Variants in AGBL1 observed in about 807,000 individuals in gnomAD.
AGBL1 encodes the protein cytosolic carboxypeptidase 4.
AGBL1 carries 130 observed loss-of-function variants against 118.9 expected under a neutral mutation model. That is an observed-to-expected ratio of 1.09 (90% CI 0.95 to 1.26). AGBL1 has a LOEUF of 1.26. AGBL1 is among the 50% of genes most tolerant of loss of function. The pLI is 0.00. For missense variants in AGBL1, 1,584 were observed against 1,298.1 expected, an observed-to-expected ratio of 1.22 and a Z score of -3.38; for synonymous variants, 555 against 478.9, an observed-to-expected ratio of 1.16 and a Z score of -2.08.
chr15:86,478,100 T>C (rs931004828), intron 18 of AGBL1, among the ~76,000 whole-genome samples: 4 of 152,162 alleles, frequency 2.6e-5, no homozygotes, highest in East Asian at 1.9e-4. Context: ...TAAGAGCTAT[T>C]TATGACAAAC....
intron 21 of AGBL1, among the ~76,000 whole-genome samples, chr15:86,648,101 G>T (rs1464049611): frequency 6.6e-6 from 1 of 152,162 alleles, no homozygotes; most frequent in Non-Finnish European, 1.5e-5. Flanking sequence ...AAGGGGTTTG[G>T]AATTTTCTCT....
At chr15:86,941,723 A>G (rs549197361) in intron 23 of AGBL1, among the ~76,000 whole-genome samples, 5 of 152,204 alleles carry the variant, frequency 3.3e-5, no homozygotes, top group Middle Eastern at 3.2e-3. Context: ...TCTACAACAA[A>G]GTGCTCAAAG....
intron 22 of AGBL1, among the ~76,000 whole-genome samples, chr15:86,724,580 G>A (rs2086790955): frequency 6.6e-6 from 1 of 152,180 alleles, no homozygotes; most frequent in South Asian, 2.1e-4. Context: ...TGGTGACAAT[G>A]AGGAACAGGG....
At chr15:86,794,175 T>G (rs1193106697) in intron 22 of AGBL1, among the ~76,000 whole-genome samples, 2 of 152,160 alleles carry the variant, frequency 1.3e-5, no homozygotes, top group Admixed American at 6.5e-5. Flanking sequence ...CTATTTGCAA[T>G]AGCCAAGCAG....
chr15:86,189,968 T>A (rs2077693741), intron 5 of AGBL1, among the ~76,000 whole-genome samples: 1 of 152,172 alleles, frequency 6.6e-6, no homozygotes, highest in African/African-American at 2.4e-5. Flanking sequence ...ACATTTGCTA[T>A]ATAGTTTTGC....
At chr15:86,838,755 C>T (rs911651749) in intron 22 of AGBL1, among the ~76,000 whole-genome samples, 1 of 151,382 alleles carries the variant, frequency 6.6e-6, no homozygotes, top group African/African-American at 2.4e-5. Flanking sequence ...GCCAGGGCAA[C>T]ATAGTGAGAC....
chr15:86,355,538 C>A (rs17606251), intron 17 of AGBL1, among the ~76,000 whole-genome samples: 27,488 of 152,124 alleles, frequency 0.18, 2,633 homozygotes, highest in South Asian at 0.2. Flanking sequence ...AATTCAAACC[C>A]ATCTTCAGCC....
chr15:86,521,393 A>G (rs929014496), intron 18 of AGBL1, among the ~76,000 whole-genome samples: 1 of 152,186 alleles, frequency 6.6e-6, no homozygotes, highest in Admixed American at 6.5e-5. Flanking sequence ...GAGTTACTAT[A>G]TTAGAGTTTT....
rs199544767 is a variant in AGBL1, at chr15:86,256,971, C to G, written c.854C>G (p.Pro285Arg). The stretch of plus-strand genomic sequence containing the variant: ...ACAGCCAGCAGTGCCTATGCCTTCC[C>G]GGTCCCCGGGTGCATCACCACTGAA... ...LVTASSAYAF[P>R]VPGCITTEPP... Residue 285 changes from proline to arginine, a missense_variant, in exon 8 of 23, where the codon CCG becomes CGG. Coordinates refer to ENST00000614907, the MANE Select transcript of AGBL1 (RefSeq NM_001386094.1). 6.2e-7 allele frequency: 1 copy of G among 1,613,880 alleles called. No homozygotes were observed. The highest frequency in any genetic ancestry group is 1.1e-5 in the South Asian group (1 of 91,064).
intron 22 of AGBL1, among the ~76,000 whole-genome samples, chr15:86,697,410 C>T (rs11636072): frequency 0.46 from 69,570 of 151,362 alleles, 16,598 homozygotes; most frequent in East Asian, 0.73. Flanking sequence ...GTACATTTTG[C>T]GTTTCTCTAA....
At chr15:86,986,286 A>T (rs1019286108) in intron 23 of AGBL1, among the ~76,000 whole-genome samples, 3 of 152,180 alleles carry the variant, frequency 2.0e-5, no homozygotes, top group African/African-American at 7.2e-5. Flanking sequence ...TATTTCTTCT[A>T]TTGTCTAGGT....
At chr15:86,313,475 A>C (rs1019964342) in intron 17 of AGBL1, among the ~76,000 whole-genome samples, 2 of 152,250 alleles carry the variant, frequency 1.3e-5, no homozygotes, top group East Asian at 3.8e-4. Flanking sequence ...TTTTCAATCA[A>C]TAACAATTTC....
intron 18 of AGBL1, among the ~76,000 whole-genome samples, chr15:86,451,554 G>A (rs1169888353): frequency 6.6e-6 from 1 of 152,138 alleles, no homozygotes; most frequent in East Asian, 1.9e-4. Flanking sequence ...TGGAAATTCT[G>A]ATTAAAAGCT....
At chr15:86,418,385 C>T (rs2142019787) in intron 18 of AGBL1, among the ~76,000 whole-genome samples, 1 of 152,318 alleles carries the variant, frequency 6.6e-6, no homozygotes, top group Admixed American at 6.5e-5. Flanking sequence ...TAAGCTCTGT[C>T]TCCTTATCTA....
intron 18 of AGBL1, among the ~76,000 whole-genome samples, chr15:86,493,857 C>G (rs2082813826): frequency 6.6e-6 from 1 of 152,050 alleles, no homozygotes; most frequent in Non-Finnish European, 1.5e-5. Context: ...CCCTTGCCCA[C>G]TTCCCCCTCC....
At chr15:86,207,208 C>T (rs962099682) in intron 5 of AGBL1, among the ~76,000 whole-genome samples, 4 of 152,208 alleles carry the variant, frequency 2.6e-5, no homozygotes, top group Non-Finnish European at 5.9e-5. Context: ...GTTTTGGTTA[C>T]TGTAGCTTGT....
intron 21 of AGBL1, among the ~76,000 whole-genome samples, chr15:86,575,856 C>T (rs1036573487): frequency 3.9e-5 from 6 of 152,178 alleles, no homozygotes; most frequent in African/African-American, 1.4e-4. Context: ...CTTGGCCTCT[C>T]AAATTGCTTG....
intron 22 of AGBL1, among the ~76,000 whole-genome samples, chr15:86,896,430 T>A (rs1201150575): frequency 6.6e-6 from 1 of 152,024 alleles, no homozygotes. Context: ...GGTAATTTTG[T>A]ATTTGTTTCT....
At chr15:86,093,420 G>C (rs535798051) in intron 1 of AGBL1, among the ~76,000 whole-genome samples, 2 of 152,122 alleles carry the variant, frequency 1.3e-5, no homozygotes, top group East Asian at 3.9e-4. Context: ...AACACCAGAA[G>C]AAATAATACA....
Sources: gnomAD v4.1 joint callset for allele counts (sites outside exome capture counted in the v4.1 genomes callset) on GRCh38, gnomAD v4.1.1 for gene constraint, MANE v1.5 for transcripts, NCBI Gene and HGNC (gene_info 2026-07-23, HGNC 2026-07-21) for gene names.